The following NRAP variants were observed in gnomAD, a reference collection of about 807,000 sequenced individuals.
The protein encoded by NRAP is nebulin related anchoring protein, also known as nebulin-related-anchoring protein.
In NRAP, 189 loss-of-function variants were observed where a neutral mutation model predicts 225.9. That is an observed-to-expected ratio of 0.84 (90% CI 0.74 to 0.94). The LOEUF (loss-of-function observed/expected upper bound fraction) is 0.94, where lower values mean the gene tolerates loss of function less well. NRAP is among the 40% of genes least tolerant of loss of function. The probability of loss-of-function intolerance (pLI) is 0.00; values close to 1 mark genes in which losing one functional copy is unlikely to be tolerated. For synonymous variants in NRAP, 769 were observed against 790.7 expected (o/e 0.97, Z 0.46); for missense variants, 2,176 against 2,168.7 (o/e 1.00, Z -0.07).
chr10:113,656,314 G>T (rs558853558), intron 4 of NRAP, among the ~76,000 whole-genome samples: 1 of 152,252 alleles, frequency 6.6e-6, no homozygotes. Context: ...TAACCTGAAA[G>T]CCCCCACTTC....
chr10:113,591,723 C>T (rs974086978), intron 39 of NRAP, among the ~76,000 whole-genome samples: 7 of 152,254 alleles, frequency 4.6e-5, no homozygotes, highest in African/African-American at 1.7e-4. Flanking sequence ...AGATAAGATC[C>T]CTATTTCATA....
rs558089714 is a variant in NRAP, at chr10:113,642,212, C to T, written c.1215+722G>A. 3.9e-5 allele frequency among the ~76,000 whole-genome samples: 6 copies of T among 152,270 alleles called. No individual in the cohort carries two copies. The South Asian group carries it at 1.2e-3, about 32-fold the overall frequency. ...ATGAGGGGGAAGGAACTATTATCAT[C>T]CCCATTTTAGAGTTGGGCAGAGTGG... is the stretch of plus-strand genomic sequence containing the variant. On this transcript the variant is annotated intron_variant, in intron 12 of 41. Transcript: ENST00000359988.
chr10:113,623,681 G>C (rs200841044), intron 22 of NRAP, 45 bp from the exon 23 acceptor site: 1 of 1,228,804 alleles, frequency 8.1e-7, no homozygotes, highest in East Asian at 2.3e-5. Context: ...TCATGTGAGA[G>C]GGTTCTCACG....
rs372128422 is a variant in NRAP, at chr10:113,614,188, T to C, written c.3295A>G (p.Ser1099Gly). The C allele has an allele frequency of 9.3e-6, 15 of 1,608,982 alleles. No homozygotes were observed. Among genetic ancestry groups the C allele is most frequent in the East Asian group, 6.7e-5 (3 of 44,870 alleles). The change falls in exon 29 of 42, where the codon AGT (serine) becomes GGT (glycine). Residue 1099 changes from serine (S) to glycine (G), a missense_variant. Transcript: ENST00000359988. ...AHSVYATSLQSDVNYKKGFEH... is the reference protein window; with the variant it reads ...AHSVYATSLQGDVNYKKGFEH... The stretch of plus-strand genomic sequence containing the variant: ...ATGCCTCTCCCCCCACTTACATCAC[T>C]CTGCAGTGAGGTCGCATACACTGAA...
At chr10:113,647,666 C>T (rs1442138385) in intron 9 of NRAP, among the ~76,000 whole-genome samples, 1 of 150,606 alleles carries the variant, frequency 6.6e-6, no homozygotes, top group African/African-American at 2.4e-5. Flanking sequence ...TACTGCCTCC[C>T]CCGGTGGTGC....
chr10:113,590,405 C>T lies in NRAP; in HGVS notation c.4956+173G>A, dbSNP rs574058016. ...CAGAGCCTGGCCCACAGGAGACACT[C>T]GAGAAGTGGTGGTTATTATTGTTAT... On this transcript the variant is annotated intron_variant, in intron 40 of 41. Transcript: ENST00000359988. 5.3e-5 allele frequency among the ~76,000 whole-genome samples: 8 copies of T among 152,162 alleles called. No homozygotes were observed. The South Asian group carries it at 1.2e-3, about 24-fold the overall frequency.
At chr10:113,638,983 C>G (rs1411428576) in intron 14 of NRAP, among the ~76,000 whole-genome samples, 2 of 150,584 alleles carry the variant, frequency 1.3e-5, no homozygotes, top group Non-Finnish European at 2.9e-5. Context: ...ATCTTGCACT[C>G]TTTGTGCTAC....
intron 30 of NRAP, among the ~76,000 whole-genome samples, chr10:113,611,296 C>A (rs528219049): frequency 6.6e-6 from 1 of 152,218 alleles, no homozygotes; most frequent in African/African-American, 2.4e-5. Context: ...TGTACACAGG[C>A]GTAAAATCCA....
intron 6 of NRAP, 34 bp downstream of exon 6, chr10:113,652,901 A>G (rs2134172356): frequency 3.5e-6 from 5 of 1,446,490 alleles, no homozygotes; most frequent in Non-Finnish European, 4.8e-6. Context: ...AAAAATTAGC[A>G]TAATCAATGG....
chr10:113,623,594 ACC>A lies in NRAP; in HGVS notation c.2390_2391del (p.Gly797ValfsTer2). 6.2e-7 allele frequency: 1 copy of A among 1,613,926 alleles called. No homozygotes were observed. Among genetic ancestry groups the A allele is most frequent in the Non-Finnish European group, 8.5e-7 (1 of 1,179,906 alleles). ...GTCAAGGAATCAAGACGCAGCTCAA[ACC>A]CTTTTGCTTTCTGGTTTTCCCAGCT... ...KSSWENQKAK[G>X]FELRLDSLTF... On this transcript the variant is annotated frameshift_variant, in exon 23 of 42. Coordinates refer to ENST00000359988, the MANE Select transcript of NRAP (RefSeq NM_198060.4). LOFTEE classifies it high-confidence loss of function.
At chr10:113,624,978 G>A (rs773162832) in intron 21 of NRAP, 48 bp from the exon 22 acceptor site, 2 of 1,152,644 alleles carry the variant, frequency 1.7e-6, no homozygotes, top group South Asian at 1.2e-5. Context: ...AGGGCGAGGT[G>A]GGCAGGGTGG....
At chr10:113,590,144 G>A (rs1845875372) in intron 40 of NRAP, among the ~76,000 whole-genome samples, 1 of 152,208 alleles carries the variant, frequency 6.6e-6, no homozygotes, top group Non-Finnish European at 1.5e-5. Flanking sequence ...CAGAGAAAGT[G>A]CAAAGGCTGG....
rs190080388 is a variant in NRAP, at chr10:113,629,591, G to T, written c.2037C>A (p.Ser679Arg). 1.2e-6 allele frequency: 2 copies of T among 1,601,734 alleles called. No individual in the cohort carries two copies. The highest frequency in any genetic ancestry group is 1.1e-5 in the South Asian group (1 of 90,814). ...QWAKKAYGLQ[S>R]ELQYKADLAW... ...AACTGATAATGTGTGGGCTCACCTC[G>T]CTCTGGAGCCCATAGGCCTTCTTGG... The change falls in exon 19 of 42, where the codon AGC becomes AGA. Residue 679 changes from serine to arginine, a missense_variant. Ser to Arg is a moderately radical substitution (Grantham distance 110, BLOSUM62 -1). Transcript: ENST00000359988.
At chr10:113,600,837 A>G (rs773567470) in intron 35 of NRAP, among the ~76,000 whole-genome samples, 1 of 152,190 alleles carries the variant, frequency 6.6e-6, no homozygotes, top group African/African-American at 2.4e-5. Flanking sequence ...ATTAAATGAG[A>G]TAGTTTACAC....
intron 38 of NRAP, among the ~76,000 whole-genome samples, chr10:113,592,573 T>C (rs1205634085): frequency 7.0e-6 from 1 of 142,032 alleles, no homozygotes; most frequent in Admixed American, 7.3e-5. Context: ...CGACACCCAC[T>C]TGGTATCAGA....
intron 3 of NRAP, among the ~76,000 whole-genome samples, chr10:113,660,450 G>A (rs1458095096): frequency 2.6e-5 from 4 of 152,232 alleles, no homozygotes; most frequent in African/African-American, 9.6e-5. Flanking sequence ...CAGGCTTCCT[G>A]GGAAGCTCAC....
chr10:113,594,896 C>A (rs1345170194), intron 38 of NRAP, among the ~76,000 whole-genome samples: 1 of 152,232 alleles, frequency 6.6e-6, no homozygotes, highest in East Asian at 1.9e-4. Context: ...CTGGGAGGCC[C>A]TACGCTGCCC....
Position 113,632,925 on chromosome 10 carries a change from G to A in NRAP, c.1632+159C>T, listed in dbSNP as rs2270184. Reference sequence around the variant, plus strand: ...CAATTTATCACTAGTAAACTACAACGTGCCATGACATAGCAAAATTCAAAG... The same window carrying A: ...CAATTTATCACTAGTAAACTACAACATGCCATGACATAGCAAAATTCAAAG... On this transcript the variant is annotated intron_variant, in intron 16 of 41. Coordinates refer to ENST00000359988, the MANE Select transcript of NRAP (RefSeq NM_198060.4). 0.18 allele frequency among the ~76,000 whole-genome samples: 27,306 copies of A among 152,178 alleles called. 2,975 individuals are homozygous for A. Among genetic ancestry groups the A allele is most frequent in the African/African-American group, 0.3 (12,394 of 41,498 alleles).
chr10:113,593,275 G>T (rs1690637410), intron 38 of NRAP, among the ~76,000 whole-genome samples: 1 of 152,184 alleles, frequency 6.6e-6, no homozygotes, highest in Non-Finnish European at 1.5e-5. Flanking sequence ...TCCTGGAAAT[G>T]GAGGTCAAGG....
Sources: allele counts gnomAD v4.1 joint callset (sites outside exome capture counted in the v4.1 genomes callset), GRCh38; gene constraint gnomAD v4.1.1; transcripts MANE v1.5; gene names NCBI Gene and HGNC (gene_info 2026-07-23, HGNC 2026-07-21).